The following ARHGEF28 variants were observed in gnomAD, a reference collection of about 807,000 sequenced individuals.
ARHGEF28 encodes the protein Rho guanine nucleotide exchange factor 28, also known as 190 kDa guanine nucleotide exchange factor.
In ARHGEF28, 152 loss-of-function variants were observed where a neutral mutation model predicts 206.6. That is an observed-to-expected ratio of 0.74 (90% confidence interval 0.64 to 0.84). ARHGEF28 has a LOEUF of 0.84. ARHGEF28 is among the 40% of genes least tolerant of loss of function. The pLI is 0.00. For missense variants in ARHGEF28, 2,028 were observed against 2,073.2 expected, an observed-to-expected ratio of 0.98 and a Z score of 0.42; for synonymous variants, 763 against 776.4, an observed-to-expected ratio of 0.98 and a Z score of 0.29.
chr5:73,632,795 G>A (rs2703639), intron 1 of ARHGEF28, among the ~76,000 whole-genome samples: 120,529 of 152,074 alleles, frequency 0.79, 48,403 homozygotes, highest in African/African-American at 0.92. Context: ...GCTATCTGAC[G>A]GTGTAGAGCA....
intron 2 of ARHGEF28, among the ~76,000 whole-genome samples, chr5:73,699,902 T>TA (rs1472740863): frequency 6.6e-6 from 1 of 152,188 alleles, no homozygotes; most frequent in Non-Finnish European, 1.5e-5. Flanking sequence ...AAATTAGATT[T>TA]AAAAAATGTG....
At chr5:73,923,649 C>G (rs573413589) in intron 35 of ARHGEF28, among the ~76,000 whole-genome samples, 16 of 151,906 alleles carry the variant, frequency 1.1e-4, no homozygotes, top group Non-Finnish European at 2.1e-4. Flanking sequence ...AGGATAGACA[C>G]ACAATTGAAT....
chr5:73,660,687 A>G (rs1444571313), intron 1 of ARHGEF28, among the ~76,000 whole-genome samples: 1 of 152,218 alleles, frequency 6.6e-6, no homozygotes, highest in Non-Finnish European at 1.5e-5. Context: ...AGGCATAAAA[A>G]CAACATTAAT....
At chr5:73,732,095 G>T (rs1219093449) in intron 2 of ARHGEF28, among the ~76,000 whole-genome samples, 1 of 151,220 alleles carries the variant, frequency 6.6e-6, no homozygotes, top group Non-Finnish European at 1.5e-5. Context: ...TTTACATTAG[G>T]GTTCACTCCT....
chr5:73,870,547 C>T (rs1760042246), intron 21 of ARHGEF28, among the ~76,000 whole-genome samples: 1 of 152,190 alleles, frequency 6.6e-6, no homozygotes, highest in Admixed American at 6.5e-5. Context: ...TAGGTTTGGC[C>T]TATACTCTTA....
chr5:73,851,831 A>G lies in ARHGEF28; in HGVS notation c.1748-819A>G, dbSNP rs139306072. Among the ~76,000 whole-genome samples, 528 of 152,270 alleles carry G rather than the reference A, an allele frequency of 3.5e-3. 2 individuals carry two copies. Among genetic ancestry groups the G allele is most frequent in the Non-Finnish European group, 6.5e-3 (440 of 68,016 alleles). On this transcript the variant is annotated intron_variant, in intron 13 of 35. Coordinates refer to ENST00000513042, the MANE Select transcript of ARHGEF28 (RefSeq NM_001177693.2). The stretch of plus-strand genomic sequence containing the variant: ...CATACAAGATAGTATTAGGTGCAAC[A>G]TTTGATATTACCCATTTCAGGGGAT...
intron 24 of ARHGEF28, among the ~76,000 whole-genome samples, chr5:73,885,410 C>T (rs1355145073): frequency 6.6e-6 from 1 of 151,812 alleles, no homozygotes; most frequent in Non-Finnish European, 1.5e-5. Context: ...GCAAACCTTT[C>T]ATAATAAAAT....
At chr5:73,733,121 G>A (rs1012508192) in intron 2 of ARHGEF28, among the ~76,000 whole-genome samples, 11 of 152,128 alleles carry the variant, frequency 7.2e-5, no homozygotes, top group Admixed American at 6.6e-4. Flanking sequence ...CCAATGTGTA[G>A]TCTTTTATCT....
At chr5:73,781,667 C>A (rs1753854973) in intron 7 of ARHGEF28, among the ~76,000 whole-genome samples, 1 of 152,056 alleles carries the variant, frequency 6.6e-6, no homozygotes, top group African/African-American at 2.4e-5. Flanking sequence ...TTTTCAAAAC[C>A]CGGTGGTTGC....
chr5:73,667,674 T>C (rs1042346038), intron 1 of ARHGEF28, among the ~76,000 whole-genome samples: 1 of 152,226 alleles, frequency 6.6e-6, no homozygotes, highest in African/African-American at 2.4e-5. Flanking sequence ...ATGGCTGGGC[T>C]GAGAGTTTCC....
intron 4 of ARHGEF28, among the ~76,000 whole-genome samples, chr5:73,767,702 T>C (rs995928519): frequency 6.6e-6 from 1 of 152,140 alleles, no homozygotes; most frequent in Non-Finnish European, 1.5e-5. Flanking sequence ...ATTTTTGGCC[T>C]GACAATGCAA....
chr5:73,782,250 C>G (rs1753894001), intron 7 of ARHGEF28, among the ~76,000 whole-genome samples: 1 of 151,928 alleles, frequency 6.6e-6, no homozygotes, highest in Non-Finnish European at 1.5e-5. Flanking sequence ...ACCAGCCTGA[C>G]CAACATGGCG....
intron 2 of ARHGEF28, among the ~76,000 whole-genome samples, chr5:73,693,910 G>A (rs953337723): frequency 7.0e-4 from 6 of 8,552 alleles, no homozygotes; most frequent in Non-Finnish European, 1.0e-3. Flanking sequence ...TTCCAAAGCA[G>A]CAGTTCTAGC....
At chr5:73,928,745 G>A (rs1763953668) in intron 35 of ARHGEF28, among the ~76,000 whole-genome samples, 2 of 152,176 alleles carry the variant, frequency 1.3e-5, no homozygotes, top group South Asian at 2.1e-4. Context: ...AACTCTTTTA[G>A]TGTGGGTAGG....
chr5:73,840,848 T>C, intron 11 of ARHGEF28, 88 bp downstream of exon 11: 1 of 1,354,386 alleles, frequency 7.4e-7, no homozygotes, highest in East Asian at 2.5e-5. Flanking sequence ...AACTTTTTAT[T>C]GTCTCTACCA....
At chr5:73,673,523 A>G (rs1746475618) in intron 1 of ARHGEF28, among the ~76,000 whole-genome samples, 1 of 152,166 alleles carries the variant, frequency 6.6e-6, no homozygotes, top group African/African-American at 2.4e-5. Context: ...CTGGGCCATC[A>G]GGTTTAGGCT....
At chr5:73,752,883 G>A (rs775754884) in intron 3 of ARHGEF28, 26 bp from the exon 4 acceptor site, 1 of 1,612,500 alleles carries the variant, frequency 6.2e-7, no homozygotes, top group Non-Finnish European at 8.5e-7. Flanking sequence ...GACTTGGGGT[G>A]AACTGTTCAC....
chr5:73,875,797 G>C (rs1306770551), intron 22 of ARHGEF28, among the ~76,000 whole-genome samples: 1 of 152,096 alleles, frequency 6.6e-6, no homozygotes, highest in Non-Finnish European at 1.5e-5. Flanking sequence ...TTTGGTACCA[G>C]TACCATGCTG....
chr5:73,695,796 A>G (rs1343119159), intron 2 of ARHGEF28, among the ~76,000 whole-genome samples: 3 of 152,078 alleles, frequency 2.0e-5, no homozygotes, highest in Non-Finnish European at 4.4e-5. Flanking sequence ...TTTTCTCAGA[A>G]CTGGTGAAGA....
Sources: allele counts gnomAD v4.1 joint callset (sites outside exome capture counted in the v4.1 genomes callset), GRCh38; gene constraint gnomAD v4.1.1; transcripts MANE v1.5; gene names NCBI Gene and HGNC (gene_info 2026-07-23, HGNC 2026-07-21).